RIMS2: variants seen among roughly 807,000 people sequenced by gnomAD.
RIMS2 encodes regulating synaptic membrane exocytosis protein 2.
A neutral mutation model predicts 174.4 loss-of-function variants in RIMS2; 59 were observed. That is an observed-to-expected ratio of 0.34 (90% CI 0.27 to 0.42). RIMS2 has a LOEUF of 0.42. Among genes scored for constraint, RIMS2 ranks in the 10% least tolerant of loss-of-function variants. The pLI, the probability that RIMS2 is intolerant of heterozygous loss-of-function variation, is 1.00. For missense variants in RIMS2, 1,620 were observed against 1,666.3 expected, an observed-to-expected ratio of 0.97 and a Z score of 0.48; for synonymous variants, 606 against 572.5, an observed-to-expected ratio of 1.06 and a Z score of -0.84.
intron 1 of RIMS2, among the ~76,000 whole-genome samples, chr8:103,601,397 A>C (rs2094730317): frequency 6.6e-6 from 1 of 152,142 alleles, no homozygotes; most frequent in South Asian, 2.1e-4. Context: ...CTGTTGCTGG[A>C]TTGAACACTT....
intron 19 of RIMS2, among the ~76,000 whole-genome samples, chr8:104,226,342 A>G (rs540859456): frequency 7.2e-5 from 11 of 152,204 alleles, no homozygotes; most frequent in African/African-American, 2.4e-4. Context: ...TTTCAAGTAT[A>G]CCCTGTCTTC....
At chr8:103,879,040 A>G (rs2099155291) in intron 3 of RIMS2, among the ~76,000 whole-genome samples, 1 of 151,716 alleles carries the variant, frequency 6.6e-6, no homozygotes, top group South Asian at 2.1e-4. Context: ...AATAAACAAA[A>G]GAAAACATGT....
chr8:103,907,798 T>C (rs1270268159), intron 4 of RIMS2, among the ~76,000 whole-genome samples: 6 of 151,712 alleles, frequency 4.0e-5, no homozygotes, highest in Non-Finnish European at 7.4e-5. Flanking sequence ...CAGGCTGGAG[T>C]GCAGTGGTGC....
exon 3 of RIMS2, chr8:103,766,521 G>A (rs761238264): frequency 2.5e-6 from 4 of 1,611,646 alleles, no homozygotes; most frequent in Non-Finnish European, 3.4e-6. Flanking sequence ...CATTGCCAGT[G>A]ACATAGCTTC....
intron 14 of RIMS2, among the ~76,000 whole-genome samples, chr8:103,949,144 A>AAAAAAAGGG (rs1555024083): frequency 5.8e-5 from 8 of 138,374 alleles, no homozygotes; most frequent in African/African-American, 8.0e-5. Context: ...AAAAAAAAAA[A>AAAAAAAGGG]AAAGGGAAAG....
intron 15 of RIMS2, among the ~76,000 whole-genome samples, chr8:103,963,095 C>G (rs1363152171): frequency 6.6e-6 from 1 of 151,734 alleles, no homozygotes; most frequent in South Asian, 2.1e-4. Flanking sequence ...TCTTTATAGC[C>G]TTTTCATTTT....
At chr8:103,632,406 A>G (rs1732967337) in intron 1 of RIMS2, among the ~76,000 whole-genome samples, 1 of 152,176 alleles carries the variant, frequency 6.6e-6, no homozygotes, top group African/African-American at 2.4e-5. Flanking sequence ...AGTTCAGCTT[A>G]TGTGATGAAT....
At chr8:103,957,713 A>G (rs902173768) in intron 14 of RIMS2, among the ~76,000 whole-genome samples, 11 of 152,170 alleles carry the variant, frequency 7.2e-5, no homozygotes, top group Admixed American at 4.6e-4. Context: ...CTATGTAACA[A>G]ACCTGCACGT....
At chr8:103,812,285 T>G (rs2098692035) in intron 3 of RIMS2, among the ~76,000 whole-genome samples, 1 of 151,734 alleles carries the variant, frequency 6.6e-6, no homozygotes, top group South Asian at 2.1e-4. Context: ...TATTGTATGG[T>G]TCATCCTAAG....
In RIMS2 at chr8:103,912,233, A is replaced by G. The variant is rs879130628; in HGVS notation, c.1812+61A>G. ...CTCTTACAGATTTACCAGAAAAGCAAAGGATAACTCTTTCAACCTGTACCA... is the reference window on the plus strand; with the variant it reads ...CTCTTACAGATTTACCAGAAAAGCAGAGGATAACTCTTTCAACCTGTACCA... On this transcript the variant is annotated intron_variant, in intron 6 of 23. Transcript: ENST00000504942. 1.8e-5 allele frequency: 24 copies of G among 1,351,288 alleles called. No individual in the cohort carries two copies. The South Asian group carries it at 2.9e-4, about 16-fold the overall frequency. 83.7% of individuals were successfully genotyped at this position (1,351,288 alleles called of 1,614,324 possible).
intron 1 of RIMS2, among the ~76,000 whole-genome samples, chr8:103,515,649 C>T (rs1828632459): frequency 6.6e-6 from 1 of 151,930 alleles, no homozygotes; most frequent in Non-Finnish European, 1.5e-5. Flanking sequence ...TATCTAAAGG[C>T]AAAATTTATA....
At chr8:103,771,933 A>G (rs2098258043) in intron 3 of RIMS2, among the ~76,000 whole-genome samples, 1 of 152,072 alleles carries the variant, frequency 6.6e-6, no homozygotes, top group Non-Finnish European at 1.5e-5. Context: ...TGAAAATACC[A>G]AGGGTAATAA....
At chr8:103,552,443 T>A (rs936961711) in intron 1 of RIMS2, among the ~76,000 whole-genome samples, 5 of 152,172 alleles carry the variant, frequency 3.3e-5, no homozygotes, top group Admixed American at 1.3e-4. Context: ...TATACAAAAA[T>A]TAATTCAAGA....
At chr8:103,893,468 G>C (rs558980601) in intron 4 of RIMS2, among the ~76,000 whole-genome samples, 1 of 152,162 alleles carries the variant, frequency 6.6e-6, no homozygotes, top group South Asian at 2.1e-4. Context: ...CTGCATGTGG[G>C]AGATTATCCA....
At chr8:104,071,707 A>G (rs1466233394) in intron 19 of RIMS2, among the ~76,000 whole-genome samples, 1 of 152,132 alleles carries the variant, frequency 6.6e-6, no homozygotes, top group African/African-American at 2.4e-5. Context: ...AAGTGCTGGG[A>G]TTACAGGCAT....
chr8:103,630,684 A>G (rs981914481), intron 1 of RIMS2, among the ~76,000 whole-genome samples: 2 of 152,056 alleles, frequency 1.3e-5, no homozygotes, highest in African/African-American at 4.8e-5. Flanking sequence ...ACACACACAC[A>G]TATTCCTAGA....
chr8:103,690,903 C>T (rs1383120419), intron 1 of RIMS2, among the ~76,000 whole-genome samples: 2 of 152,136 alleles, frequency 1.3e-5, no homozygotes, highest in African/African-American at 4.8e-5. Flanking sequence ...TTGATGAAAT[C>T]CCTCAGCTTT....
intron 17 of RIMS2, among the ~76,000 whole-genome samples, chr8:103,999,012 A>C (rs972923184): frequency 6.6e-6 from 1 of 151,806 alleles, no homozygotes; most frequent in Admixed American, 6.6e-5. Flanking sequence ...TCAAGGCTGT[A>C]TGGAGATTTA....
At chr8:103,695,723 C>T (rs1315573207) in intron 1 of RIMS2, among the ~76,000 whole-genome samples, 1 of 150,996 alleles carries the variant, frequency 6.6e-6, no homozygotes, top group East Asian at 1.9e-4. Flanking sequence ...CCTGGGTTGA[C>T]AGTTTTTTTT....
Sources: gnomAD v4.1 joint callset for allele counts (sites outside exome capture counted in the v4.1 genomes callset) on GRCh38, gnomAD v4.1.1 for gene constraint, MANE v1.5 for transcripts, NCBI Gene and HGNC (gene_info 2026-07-23, HGNC 2026-07-21) for gene names.